The following RND1 variants were observed in gnomAD, a reference collection of about 807,000 sequenced individuals.
RND1 encodes the protein rho-related GTP-binding protein Rho6.
A neutral mutation model predicts 27.1 loss-of-function variants in RND1; 9 were observed. The observed-to-expected ratio is 0.33, with a 90% CI of 0.20 to 0.58. RND1 has a LOEUF of 0.58. Among genes scored for constraint, RND1 ranks in the 20% least tolerant of loss-of-function variants. The pLI is 0.86. For synonymous variants in RND1, 108 were observed against 115.7 expected, an observed-to-expected ratio of 0.93 and a Z score of 0.43; for missense variants, 253 against 292.2, an observed-to-expected ratio of 0.87 and a Z score of 0.98.
In RND1 at chr12:48,861,019, T is replaced by C. The variant is rs1938912670; in HGVS notation, c.431A>G (p.Gln144Arg). The C allele has an allele frequency of 6.2e-7, 1 of 1,613,856 alleles. No homozygotes were observed. The highest frequency in any genetic ancestry group is 8.5e-7 in the Non-Finnish European group (1 of 1,180,040). ...STLMELSHQK[Q>R]APISYEQGCA... is the part of the protein sequence containing the mutation. ...CACCTGCTCATAGGAGATGGGCGCC[T>C]GCTTCTGGTGGGACAGCTCCATCAG... Residue 144 changes from glutamine to arginine, a missense_variant, in exon 4 of 5, where the codon CAG becomes CGG. Coordinates refer to ENST00000309739, the MANE Select transcript of RND1 (RefSeq NM_014470.4).
At position 48,864,384 on chromosome 12, in the gene RND1, G is replaced by GGTGTGTGTGT. The variant is rs539837491; in HGVS notation, c.208+389_208+398dup. On this transcript the variant is annotated intron_variant, in intron 2 of 4. Coordinates refer to ENST00000309739, the MANE Select transcript of RND1 (RefSeq NM_014470.4). ...TTGGCTTTGCTCTGGGGAAGTAAAA[G>GGTGTGTGTGT]GTGTGTGTGTGTGTGTGTGTGTGTG... Among the ~76,000 whole-genome samples the GGTGTGTGTGT allele has an allele frequency of 2.5e-3, 359 of 141,778 alleles. 1 individual carries two copies. The highest frequency in any genetic ancestry group is 8.2e-3 in the African/African-American group (298 of 36,490). 93.0% of individuals were successfully genotyped at this position (141,778 alleles called of 152,430 possible).
At chr12:48,864,416 T>TGTGCGCGCGC (rs141121524) in intron 2 of RND1, among the ~76,000 whole-genome samples, 150 of 135,546 alleles carry the variant, frequency 1.1e-3, no homozygotes, top group East Asian at 4.2e-3. Flanking sequence ...TGTGTGTGTG[T>TGTGCGCGCGC]GCGCGCGCGC....
intron 4 of RND1, 141 bp from the exon 5 acceptor site, chr12:48,858,382 A>C (rs908710338): frequency 9.4e-6 from 7 of 745,346 alleles, no homozygotes; most frequent in South Asian, 8.0e-5. Context: ...TTATTCGATT[A>C]TCTTTTCTTT....
intron 4 of RND1, 117 bp downstream of exon 4, chr12:48,860,880 A>G (rs1938910727): frequency 5.5e-6 from 8 of 1,455,144 alleles, no homozygotes; most frequent in Non-Finnish European, 7.6e-6. Context: ...TTTGCTAATT[A>G]TAACAGCAAT....
rs920395714 is a variant in RND1, at chr12:48,865,728, A to G, written c.40T>C (p.Cys14Arg). Residue 14 changes from cysteine to arginine, a missense_variant, in exon 1 of 5, where the codon TGT becomes CGT. Cys to Arg is a radical substitution (Grantham distance 180). Coordinates refer to ENST00000309739, the MANE Select transcript of RND1 (RefSeq NM_014470.4). ...RRAPQPVVAR[C>R]KLVLVGDVQC... is the part of the protein sequence containing the mutation. ...ACGTCCCCGACCAGAACGAGCTTAC[A>G]TCTGGCCACGACTGGCTGGGGGGCC... 4 of 1,612,896 alleles carry G rather than the reference A, an allele frequency of 2.5e-6. No homozygotes were observed. The highest frequency in any genetic ancestry group is 4.5e-5 in the East Asian group (2 of 44,850).
intron 4 of RND1, among the ~76,000 whole-genome samples, chr12:48,860,441 T>C (rs764347572): frequency 1.5e-4 from 22 of 151,634 alleles, no homozygotes; most frequent in Non-Finnish European, 2.9e-4. Flanking sequence ...CAGGCTGGAG[T>C]GCAGTGGCAT....
intron 4 of RND1, chr12:48,859,258 G>T (rs548243030): frequency 1.3e-5 from 2 of 152,192 alleles, no homozygotes; most frequent in East Asian, 3.9e-4. Flanking sequence ...GCGCCTGGCC[G>T]GTATTAGTAT....
At chr12:48,864,191 C>T (rs1334433242) in intron 2 of RND1, among the ~76,000 whole-genome samples, 3 of 152,020 alleles carry the variant, frequency 2.0e-5, no homozygotes, top group African/African-American at 7.2e-5. Context: ...GCTTCATCCC[C>T]GAGCTGCAGC....
rs1042769633 is a variant in RND1 at position 48,857,381 on chromosome 12, C to T, written c.*615G>A. On this transcript the variant is annotated 3_prime_UTR_variant, in exon 5 of 5. Coordinates refer to ENST00000309739, the MANE Select transcript of RND1 (RefSeq NM_014470.4). Reference sequence around the variant, plus strand: ...AGAGAAGGGGGTCTGGGGCTTCTCCCTTGGACCCTGGGGACTTAGGTGAGA... The same window carrying T: ...AGAGAAGGGGGTCTGGGGCTTCTCCTTTGGACCCTGGGGACTTAGGTGAGA... 1 of 152,714 alleles carries T rather than the reference C, an allele frequency of 6.5e-6. No individual in the cohort carries two copies. The highest frequency in any genetic ancestry group is 2.4e-5 in the African/African-American group (1 of 41,428). 9.5% of individuals were successfully genotyped at this position (152,714 alleles called of 1,614,324 possible).
intron 2 of RND1, among the ~76,000 whole-genome samples, chr12:48,862,564 T>C (rs574178533): frequency 6.6e-6 from 1 of 152,270 alleles, no homozygotes; most frequent in African/African-American, 2.4e-5. Context: ...ATAACCTGCC[T>C]GCTGCTTTTC....
rs1181753824 is a variant in RND1, at chr12:48,857,909, T to C, written c.*87A>G. The C allele has an allele frequency of 2.0e-6, 3 of 1,484,086 alleles. No homozygotes were observed. The highest frequency in any genetic ancestry group is 4.6e-5 in the East Asian group (2 of 43,746). 91.9% of individuals were successfully genotyped at this position (1,484,086 alleles called of 1,614,324 possible). The stretch of plus-strand genomic sequence containing the variant: ...CCATCTGAAAAACTCATGTCCAGTG[T>C]CCTAAATTGTCTCATCCTCCCTCTC... On this transcript the variant is annotated 3_prime_UTR_variant, in exon 5 of 5. Transcript: ENST00000309739.
At chr12:48,865,125 A>T (rs1328847602) in intron 1 of RND1, among the ~76,000 whole-genome samples, 3 of 151,504 alleles carry the variant, frequency 2.0e-5, no homozygotes, top group African/African-American at 7.3e-5. Flanking sequence ...GATCAGGGAC[A>T]CACACACACA....
At chr12:48,865,619 G>A (rs1196648372) in intron 1 of RND1, 29 bp downstream of exon 1, 1 of 1,595,186 alleles carries the variant, frequency 6.3e-7, no homozygotes, top group East Asian at 2.3e-5. Context: ...AGGGAGAAAA[G>A]CCGGCCAGCG....
At position 48,861,083 on chromosome 12, in the gene RND1, T is replaced by C. The variant is rs765295653; in HGVS notation, c.367A>G (p.Ile123Val). The C allele has an allele frequency of 2.5e-6, 4 of 1,613,944 alleles. No individual in the cohort carries two copies. The South Asian group carries it at 4.4e-5, about 18-fold the overall frequency. The change falls in exon 4 of 5, where the codon ATT (isoleucine) becomes GTT (valine). Residue 123 changes from isoleucine (I) to valine (V), a missense_variant. Transcript: ENST00000309739. ...DYCPSTRVLL[I>V]GCKTDLRTDL... The stretch of plus-strand genomic sequence containing the variant: ...GTTCGCAGGTCTGTCTTGCAGCCAA[T>C]GAGCAAAACGCGGGTGCTGGGACAA...
At position 48,864,878 on chromosome 12, in the gene RND1, AAG is replaced by A. The variant is rs1565684141; in HGVS notation, c.121-10_121-9del. On this transcript the variant is annotated splice_polypyrimidine_tract_variant and intron_variant, in intron 1 of 4. Transcript: ENST00000309739. ...CACGGTGGGCACATAGGTCTGTGAA[AAG>A]AGAGGAAACATTCACCCCATGCACC... 2 of 1,608,074 alleles carry A rather than the reference AAG, an allele frequency of 1.2e-6. No homozygotes were observed. The highest frequency in any genetic ancestry group is 1.7e-5 in the Admixed American group (1 of 59,992).
rs940626016 is a variant in RND1 at position 48,865,655 on chromosome 12, T to C, written c.113A>G (p.Tyr38Cys). Reference protein sequence around the residue: ...AMLQVLAKDCYPETYVPTVFE... With the variant: ...AMLQVLAKDCCPETYVPTVFE... The stretch of plus-strand genomic sequence containing the variant: ...GGCGGGCGGGCAGCTCACCTCTGGA[T>C]AGCAATCCTTCGCTAACACTTGCAA... Residue 38 changes from tyrosine (Y) to cysteine (C), a missense_variant, in exon 1 of 5, where the codon TAT (tyrosine) becomes TGT (cysteine). Coordinates refer to ENST00000309739, the MANE Select transcript of RND1 (RefSeq NM_014470.4). The C allele has an allele frequency of 3.1e-6, 5 of 1,613,292 alleles. No individual in the cohort carries two copies. In the South Asian group the frequency reaches 4.4e-5, roughly 14 times the overall value.
chr12:48,861,702 C>T (rs1938920804), intron 3 of RND1, among the ~76,000 whole-genome samples: 1 of 152,174 alleles, frequency 6.6e-6, no homozygotes, highest in Non-Finnish European at 1.5e-5. Context: ...CCATGCCTGA[C>T]CCTCATACCG....
rs776986672 is a variant in RND1, at chr12:48,864,868, G to A, written c.123C>T (p.Thr41=). Residue 41 remains threonine, a splice_region_variant and synonymous_variant, in exon 2 of 5, where the codon ACC becomes ACT. Coordinates refer to ENST00000309739, the MANE Select transcript of RND1 (RefSeq NM_014470.4). ...AATTTTCGAACACGGTGGGCACATA[G>A]GTCTGTGAAAAGAGAGGAAACATTC... ...QVLAKDCYPE[T]YVPTVFENYT... is the part of the protein sequence containing the mutation. 1.2e-6 allele frequency: 2 copies of A among 1,612,562 alleles called. No individual in the cohort carries two copies. The highest frequency in any genetic ancestry group is 2.2e-5 in the South Asian group (2 of 91,046).
At chr12:48,858,415 A>G (rs1289014455) in intron 4 of RND1, 174 bp from the exon 5 acceptor site, 2 of 627,320 alleles carry the variant, frequency 3.2e-6, no homozygotes, top group African/African-American at 4.0e-5. Flanking sequence ...TTTGGCATAC[A>G]CCCTGTCTGA....
Sources: gnomAD v4.1 joint callset for allele counts (sites outside exome capture counted in the v4.1 genomes callset) on GRCh38, gnomAD v4.1.1 for gene constraint, MANE v1.5 for transcripts, NCBI Gene and HGNC (gene_info 2026-07-23, HGNC 2026-07-21) for gene names.